SSH1: variants seen among roughly 807,000 people sequenced by gnomAD.
SSH1 encodes the protein slingshot protein phosphatase 1.
SSH1 carries 43 observed loss-of-function variants against 79.7 expected under a neutral mutation model. The ratio of observed to expected loss-of-function variants is 0.54; its 90% CI spans 0.42 to 0.70. SSH1 has a LOEUF of 0.70. Among genes scored for constraint, SSH1 ranks in the 30% least tolerant of loss-of-function variants. The pLI, the probability that SSH1 is intolerant of heterozygous loss-of-function variation, is 0.00. For synonymous variants in SSH1, 599 were observed against 538.3 expected (o/e 1.11, Z -1.56); for missense variants, 1,206 against 1,358.8 (o/e 0.89, Z 1.77).
At chr12:108,845,865 AC>A (rs996728514) in intron 2 of SSH1, among the ~76,000 whole-genome samples, 1 of 152,248 alleles carries the variant, frequency 6.6e-6, no homozygotes, top group African/African-American at 2.4e-5. Flanking sequence ...CAGACAAGCA[AC>A]AAAGACAATA....
chr12:108,847,802 G>A (rs957773721), intron 2 of SSH1, among the ~76,000 whole-genome samples: 8 of 152,204 alleles, frequency 5.3e-5, no homozygotes, highest in African/African-American at 1.7e-4. Flanking sequence ...AAATGAGGCC[G>A]TCACTAAGGG....
In SSH1 at chr12:108,792,694, CAAG is replaced by C. The variant is rs748461008; in HGVS notation, c.1482_1484del (p.Phe494del). The stretch of plus-strand genomic sequence containing the variant: ...CTAAGCCGGGCTGGGCGGCATCATC[CAAG>C]AAGGGCAGCTGGCTTTCCGGGGTGC... On this transcript the variant is annotated inframe_deletion, in exon 14 of 15. Coordinates refer to ENST00000326495, the MANE Select transcript of SSH1 (RefSeq NM_018984.4). 47 of 1,612,956 alleles carry C rather than the reference CAAG, an allele frequency of 2.9e-5. No individual in the cohort carries two copies. Among genetic ancestry groups the C allele is most frequent in the African/African-American group, 8.0e-5 (6 of 74,934 alleles).
chr12:108,812,759 A>G (rs2037678783), intron 5 of SSH1, among the ~76,000 whole-genome samples: 1 of 152,228 alleles, frequency 6.6e-6, no homozygotes, highest in African/African-American at 2.4e-5. Flanking sequence ...CGCATCTCCT[A>G]TCATCCCCTA....
chr12:108,850,944 C>T (rs76273093), intron 2 of SSH1, among the ~76,000 whole-genome samples: 4,407 of 151,918 alleles, frequency 0.029, 156 homozygotes, highest in African/African-American at 0.082. Context: ...AGTTCCTCCT[C>T]GACAGTCAGT....
Position 108,788,537 on chromosome 12 carries a change from C to A in SSH1, c.2601G>T (p.Glu867Asp). ...EESQDPAALH[E>D]LGPLVMPSQA... Reference sequence around the variant, plus strand: ...GGCTGGGCATAACCAGGGGGCCCAGCTCGTGGAGCGCGGCTGGATCCTGGC... The same window carrying A: ...GGCTGGGCATAACCAGGGGGCCCAGATCGTGGAGCGCGGCTGGATCCTGGC... The change falls in exon 15 of 15, where the codon GAG becomes GAT. Residue 867 changes from glutamate to aspartate, a missense_variant. Around this residue, in one of 5 missense-constraint regions of SSH1, gnomAD observed 709 missense variants for 730.6 expected, o/e 0.97. Transcript: ENST00000326495. 1.3e-6 allele frequency: 2 copies of A among 1,570,858 alleles called. No individual in the cohort carries two copies. The highest frequency in any genetic ancestry group is 2.2e-5 in the East Asian group (1 of 44,452).
In SSH1 at chr12:108,785,711, A is replaced by C. The variant is rs1565959996; in HGVS notation, c.*2277T>G. 1.3e-5 allele frequency: 2 copies of C among 152,132 alleles called. No homozygotes were observed. The highest frequency in any genetic ancestry group is 6.5e-5 in the Admixed American group (1 of 15,286). 9.4% of individuals were successfully genotyped at this position (152,132 alleles called of 1,614,324 possible). A position where few individuals can be genotyped will look rare whatever the true frequency, so the allele number is the denominator to read the frequency against. On this transcript the variant is annotated 3_prime_UTR_variant, in exon 15 of 15. Coordinates refer to ENST00000326495, the MANE Select transcript of SSH1 (RefSeq NM_018984.4). Reference sequence around the variant, plus strand: ...TTAGATAAGAAAAATTATGGCTTTCAAAATTAAAGTTTTCAAAAATATATC... The same window carrying C: ...TTAGATAAGAAAAATTATGGCTTTCCAAATTAAAGTTTTCAAAAATATATC...
At chr12:108,852,861 G>A in intron 1 of SSH1, 183 bp from the exon 2 acceptor site, 2 of 985,382 alleles carry the variant, frequency 2.0e-6, no homozygotes, top group Non-Finnish European at 1.2e-6. Flanking sequence ...TCATTTCCGT[G>A]GGGGAATTTT....
rs370579155 is a variant in SSH1, at chr12:108,843,902, C to G, written c.110+8736G>C. ...GCACTGGGCTTCACAAATTACGCAG[C>G]CAGTCCTGCATTACAGGAAATATTT... On this transcript the variant is annotated intron_variant, in intron 2 of 14. Transcript: ENST00000326495. Among the ~76,000 whole-genome samples, 3 of 152,198 alleles carry G rather than the reference C, an allele frequency of 2.0e-5. No individual in the cohort carries two copies. The Middle Eastern group carries it at 0.01, about 518-fold the overall frequency.
chr12:108,818,127 G>GT, intron 4 of SSH1, 122 bp downstream of exon 4: 1 of 800,002 alleles, frequency 1.3e-6, no homozygotes, highest in Non-Finnish European at 2.1e-6. Flanking sequence ...GAACCCAGGA[G>GT]TTTGAGGCTG....
intron 2 of SSH1, chr12:108,827,334 A>C (rs1018978774): frequency 1.5e-5 from 23 of 1,550,514 alleles, no homozygotes; most frequent in Non-Finnish European, 1.7e-5. Flanking sequence ...AGTCGGTAAA[A>C]TAAAAGAGGT....
In SSH1 at chr12:108,784,714, T is replaced by C. The variant is rs995072625; in HGVS notation, c.*3274A>G. On this transcript the variant is annotated 3_prime_UTR_variant, in exon 15 of 15. Coordinates refer to ENST00000326495, the MANE Select transcript of SSH1 (RefSeq NM_018984.4). ...TTAGCAAGACTTAAAGAGAAGACTT[T>C]CCTGTATCAATGCAAGGTGAAGATG... The C allele has an allele frequency of 7.2e-5, 11 of 152,196 alleles. No homozygotes were observed. Among genetic ancestry groups the C allele is most frequent in the Non-Finnish European group, 1.2e-4 (8 of 68,028 alleles). The allele number at this position is 152,196 out of a possible 1,614,324, so 9.4% of individuals were successfully genotyped here.
At chr12:108,832,542 A>G (rs534689513) in intron 2 of SSH1, among the ~76,000 whole-genome samples, 1 of 152,304 alleles carries the variant, frequency 6.6e-6, no homozygotes, top group Admixed American at 6.5e-5. Flanking sequence ...GAGGCTCTGG[A>G]TGGATTCAGA....
chr12:108,801,163 TATAAA>T (rs2036985338), intron 11 of SSH1, among the ~76,000 whole-genome samples: 1 of 152,152 alleles, frequency 6.6e-6, no homozygotes, highest in Non-Finnish European at 1.5e-5. Context: ...GTAAAGACCT[TATAAA>T]AAGAAAGCTC....
In SSH1 at chr12:108,799,068, G is replaced by A. The variant is rs1231352124; in HGVS notation, c.1281C>T (p.Arg427=). The change falls in exon 13 of 15, where the codon CGC becomes CGT. Residue 427 remains arginine (R), a synonymous_variant. Transcript: ENST00000326495. ...EKAYNYVKQK[R]SITRPNAGFM... is the part of the protein sequence containing the mutation. ...AGCCCGCGTTGGGGCGCGTGATGCT[G>A]CGCTTCTGCTTTACATAGTTATATG... 6.2e-7 allele frequency: 1 copy of A among 1,614,178 alleles called. No individual in the cohort carries two copies. Among genetic ancestry groups the A allele is most frequent in the East Asian group, 2.2e-5 (1 of 44,884 alleles).
intron 10 of SSH1, among the ~76,000 whole-genome samples, chr12:108,803,512 G>A (rs1460457005): frequency 6.6e-6 from 1 of 152,166 alleles, no homozygotes; most frequent in Non-Finnish European, 1.5e-5. Context: ...AGGACCAGGG[G>A]TGGCAGGGCC....
At chr12:108,845,459 G>A (rs1317810389) in intron 2 of SSH1, among the ~76,000 whole-genome samples, 18 of 152,112 alleles carry the variant, frequency 1.2e-4, no homozygotes, top group Admixed American at 8.5e-4. Flanking sequence ...AGGCCAAGGC[G>A]GGCAGATCAC....
In SSH1 at chr12:108,852,528, C is replaced by A. The variant is rs1302506912; in HGVS notation, c.110+110G>T. 8.5e-6 allele frequency: 12 copies of A among 1,412,122 alleles called. No homozygotes were observed. In the Admixed American group the frequency reaches 1.7e-4, roughly 20 times the overall value. The allele number at this position is 1,412,122 out of a possible 1,614,324, so 87.5% of individuals were successfully genotyped here. A position where few individuals can be genotyped will look rare whatever the true frequency, so the allele number is the denominator to read the frequency against. On this transcript the variant is annotated intron_variant, in intron 2 of 14. Transcript: ENST00000326495. ...TACAGGCGTGACCCACCGCACCCAG[C>A]CCAAAATTGGCATATTCTTTTTGAA...
chr12:108,820,270 T>C lies in SSH1; in HGVS notation c.215-1957A>G, dbSNP rs186074490. ...CCTCTCCAGTTATACAATTCCACAG[T>C]GTATAACACCCTGTGTTGACCCTGC... is the stretch of plus-strand genomic sequence containing the variant. On this transcript the variant is annotated intron_variant, in intron 3 of 14. Coordinates refer to ENST00000326495, the MANE Select transcript of SSH1 (RefSeq NM_018984.4). Among the ~76,000 whole-genome samples the C allele has an allele frequency of 4.6e-3, 703 of 152,256 alleles. 7 individuals carry two copies. Among genetic ancestry groups the C allele is most frequent in the African/African-American group, 0.017 (686 of 41,526 alleles).
chr12:108,783,185 A>G lies in SSH1; in HGVS notation c.*4803T>C, dbSNP rs966808683. On this transcript the variant is annotated 3_prime_UTR_variant, in exon 15 of 15. Transcript: ENST00000326495. ...AAGCTACGTTCTTTCATTGGCTCCT[A>G]TGGGACACAGCATGGGCCAATGCCT... 5 of 152,198 alleles carry G rather than the reference A, an allele frequency of 3.3e-5. No homozygotes were observed. Among genetic ancestry groups the G allele is most frequent in the Non-Finnish European group, 7.3e-5 (5 of 68,050 alleles). 9.4% of individuals were successfully genotyped at this position (152,198 alleles called of 1,614,324 possible). A position where few individuals can be genotyped will look rare whatever the true frequency, so the allele number is the denominator to read the frequency against.
Sources: allele counts gnomAD v4.1 joint callset (sites outside exome capture counted in the v4.1 genomes callset), GRCh38; gene constraint gnomAD v4.1.1; regional missense constraint gnomAD v4.1.1; transcripts MANE v1.5; gene names NCBI Gene and HGNC (gene_info 2026-07-23, HGNC 2026-07-21).